LRRC53: variants seen among roughly 807,000 people sequenced by gnomAD.
LRRC53 encodes leucine-rich repeat-containing protein 53.
A neutral mutation model predicts 13.6 loss-of-function variants in LRRC53; 25 were observed. The ratio of observed to expected loss-of-function variants is 1.83; its 90% CI spans 1.34 to 2.56. LRRC53 has a LOEUF of 2.56. Among genes scored for constraint, LRRC53 ranks in the 30% most tolerant of loss-of-function variants. LRRC53 has a pLI of 0.00. For synonymous variants in LRRC53, 204 were observed against 109.8 expected (o/e 1.86, Z -5.37); for missense variants, 527 against 275.8 (o/e 1.91, Z -6.45).
chr1:74,496,371 T>A (rs1292376975), intron 1 of LRRC53, among the ~76,000 whole-genome samples: 1 of 152,190 alleles, frequency 6.6e-6, no homozygotes, highest in East Asian at 1.9e-4. Context: ...GATTTCCTAA[T>A]TAATTCAAGT....
At chr1:74,533,455 CT>C in the LRRC53 span, among the ~76,000 whole-genome samples, 1 of 152,168 alleles carries the variant, frequency 6.6e-6, no homozygotes, top group African/African-American at 2.4e-5. Flanking sequence ...CACTTTTACA[CT>C]GTTGGTGGGA....
At chr1:74,499,245 A>G (rs1270293095) in intron 1 of LRRC53, among the ~76,000 whole-genome samples, 1 of 152,172 alleles carries the variant, frequency 6.6e-6, no homozygotes, top group Non-Finnish European at 1.5e-5. Flanking sequence ...TGGCTCAAGC[A>G]ATCCTCCTGC....
rs1668587369 is a variant in LRRC53, at chr1:74,483,164, T to A, written c.88+98A>T. The A allele has an allele frequency of 4.6e-6, 3 of 658,262 alleles. No individual in the cohort carries two copies. The East Asian group carries it at 8.2e-5, about 18-fold the overall frequency. 40.8% of individuals were successfully genotyped at this position (658,262 alleles called of 1,614,324 possible). ...GTGTACTCATTAAAGGGTTACCTCT[T>A]AAGCTGAGCCCAGAGAACAGTCAGT... On this transcript the variant is annotated intron_variant, in intron 2 of 4. Transcript: ENST00000294635.
At chr1:74,478,039 T>A (rs1352129233) in intron 3 of LRRC53, among the ~76,000 whole-genome samples, 1 of 152,180 alleles carries the variant, frequency 6.6e-6, no homozygotes, top group African/African-American at 2.4e-5. Context: ...GCTATTTATG[T>A]TCTTTGGAAT....
chr1:74,514,992 G>A (rs1303799958), upstream of LRRC53, among the ~76,000 whole-genome samples: 5 of 152,030 alleles, frequency 3.3e-5, no homozygotes, highest in Admixed American at 6.6e-5. Context: ...GATGATGGAG[G>A]CAGGGACTGA....
intron 1 of LRRC53, among the ~76,000 whole-genome samples, chr1:74,502,464 T>C (rs116259186): frequency 0.032 from 4,827 of 152,244 alleles, 105 homozygotes; most frequent in Non-Finnish European, 0.05. Flanking sequence ...AAAATGGTAG[T>C]TCATAATTTA....
intron 1 of LRRC53, among the ~76,000 whole-genome samples, chr1:74,484,133 C>A (rs1292759189): frequency 6.6e-6 from 1 of 150,804 alleles, no homozygotes; most frequent in East Asian, 1.9e-4. Flanking sequence ...CTTTCTCAAC[C>A]CCCCAGTGAA....
the LRRC53 span, among the ~76,000 whole-genome samples, chr1:74,521,881 T>C: frequency 2.0e-5 from 3 of 152,216 alleles, no homozygotes; most frequent in African/African-American, 7.2e-5. Flanking sequence ...GGTCTATTCA[T>C]AATGCCATTT....
At chr1:74,492,681 A>T (rs529469967) in intron 1 of LRRC53, among the ~76,000 whole-genome samples, 2 of 152,302 alleles carry the variant, frequency 1.3e-5, no homozygotes, top group East Asian at 3.9e-4. Flanking sequence ...TATACCCTAA[A>T]ATTGGAAATA....
chr1:74,505,832 T>A (rs1027218744), intron 1 of LRRC53, among the ~76,000 whole-genome samples: 2 of 152,176 alleles, frequency 1.3e-5, no homozygotes, highest in Non-Finnish European at 2.9e-5. Flanking sequence ...GGAATGAAAA[T>A]CTTCACCATT....
chr1:74,486,201 A>AAGAGAG (rs58506314), intron 1 of LRRC53, among the ~76,000 whole-genome samples: 2,390 of 136,480 alleles, frequency 0.018, 53 homozygotes, highest in East Asian at 0.084. Flanking sequence ...AAATGCTATA[A>AAGAGAG]AGAGAGAGAG....
At position 74,469,742 on chromosome 1, in the gene LRRC53, A is replaced by T. The variant is rs1399810696; in HGVS notation, c.*136T>A. The T allele has an allele frequency of 2.3e-5, 9 of 395,648 alleles. No individual in the cohort carries two copies. The highest frequency in any genetic ancestry group is 7.1e-5 in the East Asian group (2 of 28,040). The allele number at this position is 395,648 out of a possible 1,614,324, so 24.5% of individuals were successfully genotyped here. On this transcript the variant is annotated 3_prime_UTR_variant, in exon 5 of 5. Transcript: ENST00000294635. ...ATTCAACTCTGGTTTTATTTTATTGATAACAAAGAGTTACTGAGGACGTTG... is the reference window on the plus strand; with the variant it reads ...ATTCAACTCTGGTTTTATTTTATTGTTAACAAAGAGTTACTGAGGACGTTG...
chr1:74,498,399 A>G (rs1003841565), intron 1 of LRRC53, among the ~76,000 whole-genome samples: 5 of 152,164 alleles, frequency 3.3e-5, no homozygotes, highest in African/African-American at 1.2e-4. Context: ...CCACGTTATA[A>G]TTCATGTTAT....
intron 1 of LRRC53, among the ~76,000 whole-genome samples, chr1:74,490,236 T>C (rs1668995504): frequency 6.6e-6 from 1 of 152,200 alleles, no homozygotes; most frequent in Non-Finnish European, 1.5e-5. Context: ...CTTTCCCTTC[T>C]CTTATTCAGT....
chr1:74,535,982 T>A, the LRRC53 span, among the ~76,000 whole-genome samples: 2 of 152,170 alleles, frequency 1.3e-5, no homozygotes, highest in African/African-American at 4.8e-5. Context: ...AAATCTAGAA[T>A]GATTTTCTTT....
At chr1:74,511,915 T>C (rs1194344188) in intron 1 of LRRC53, among the ~76,000 whole-genome samples, 1 of 152,144 alleles carries the variant, frequency 6.6e-6, no homozygotes, top group African/African-American at 2.4e-5. Context: ...TGAGTGTGGG[T>C]AGAGCAGAAG....
Position 74,470,054 on chromosome 1 carries a change from C to T in LRRC53, c.3568G>A (p.Val1190Met). The T allele has an allele frequency of 5.0e-6, 2 of 400,664 alleles. No homozygotes were observed. 24.8% of individuals were successfully genotyped at this position (400,664 alleles called of 1,614,324 possible). A position where few individuals can be genotyped will look rare whatever the true frequency, so the allele number is the denominator to read the frequency against. The stretch of plus-strand genomic sequence containing the variant: ...AAGGAAAGCGCTTCATGTGTCTCCA[C>T]TGTCATTGCGCCTTCTTTATGTGCA... The part of the protein sequence containing the change: ...DSAHKEGAMT[V>M]ETHEALSFLP... The change falls in exon 5 of 5, where the codon GTG (valine) becomes ATG (methionine). Residue 1190 changes from valine (V) to methionine (M), a missense_variant. Transcript: ENST00000294635.
At chr1:74,496,396 G>A (rs1043677229) in intron 1 of LRRC53, among the ~76,000 whole-genome samples, 4 of 152,124 alleles carry the variant, frequency 2.6e-5, no homozygotes, top group Non-Finnish European at 5.9e-5. Flanking sequence ...GAGTTAAAAT[G>A]TAATTTTTTA....
rs1667879300 is a variant in LRRC53, at chr1:74,470,611, T to C, written c.3011A>G (p.Tyr1004Cys). ...TGTTTGGGGAATGAGAGAGGAATCATAAGTTTCTGTTTTTGAAAGTTTTTT... is the reference window on the plus strand; with the variant it reads ...TGTTTGGGGAATGAGAGAGGAATCACAAGTTTCTGTTTTTGAAAGTTTTTT... ...VEKKLSKTETYDSSLIPQTQS... is the reference protein window; with the variant it reads ...VEKKLSKTETCDSSLIPQTQS... The change falls in exon 5 of 5, where the codon TAT becomes TGT. Residue 1004 changes from tyrosine (Y) to cysteine (C), a missense_variant. Coordinates refer to ENST00000294635, the MANE Select transcript of LRRC53 (RefSeq NM_001382280.1). 1 of 400,736 alleles carries C rather than the reference T, an allele frequency of 2.5e-6. No homozygotes were observed. The highest frequency in any genetic ancestry group is 4.4e-6 in the Non-Finnish European group (1 of 226,186). 24.8% of individuals were successfully genotyped at this position (400,736 alleles called of 1,614,324 possible). A position where few individuals can be genotyped will look rare whatever the true frequency, so the allele number is the denominator to read the frequency against.
Sources: allele counts gnomAD v4.1 joint callset (sites outside exome capture counted in the v4.1 genomes callset), GRCh38; gene constraint gnomAD v4.1.1; transcripts MANE v1.5; gene names NCBI Gene and HGNC (gene_info 2026-07-23, HGNC 2026-07-21).